Variants in RUNX1T1 observed in about 807,000 individuals in gnomAD.
RUNX1T1 encodes RUNX1 partner transcriptional co-repressor 1.
In RUNX1T1, 4 loss-of-function variants were observed where a neutral mutation model predicts 62.8. The ratio of observed to expected loss-of-function variants is 0.06; its 90% CI spans 0.03 to 0.15. RUNX1T1 has a LOEUF of 0.15. Ranked by LOEUF, RUNX1T1 falls within the 10% of genes least tolerant of loss-of-function variation. The pLI is 1.00. For missense variants in RUNX1T1, 508 were observed against 754.3 expected (o/e 0.67, Z 3.82); for synonymous variants, 291 against 286.0 (o/e 1.02, Z -0.18).
At chr8:91,987,580 C>A (rs530285106) in intron 6 of RUNX1T1, among the ~76,000 whole-genome samples, 2 of 151,250 alleles carry the variant, frequency 1.3e-5, no homozygotes, top group East Asian at 1.9e-4. Context: ...GGATATTCTT[C>A]AAAAAAAAAT....
chr8:92,095,130 TTCTC>T, intron 1 of RUNX1T1: 1 of 1,535,604 alleles, frequency 6.5e-7, no homozygotes, highest in Non-Finnish European at 8.7e-7. Flanking sequence ...AGATTTCTCT[TTCTC>T]ACTCTGCTAA....
intron 8 of RUNX1T1, among the ~76,000 whole-genome samples, chr8:91,985,774 CG>C (rs1816429644): frequency 6.6e-6 from 1 of 152,132 alleles, no homozygotes; most frequent in Non-Finnish European, 1.5e-5. Flanking sequence ...GAGACCTTGA[CG>C]GAAGTGCCTA....
chr8:92,091,065 A>T (rs770946397), intron 1 of RUNX1T1, among the ~76,000 whole-genome samples: 24 of 152,302 alleles, frequency 1.6e-4, no homozygotes, highest in Non-Finnish European at 3.2e-4. Flanking sequence ...AGGTGTTAAA[A>T]GATTAATGAA....
intron 1 of RUNX1T1, among the ~76,000 whole-genome samples, chr8:92,094,778 C>T (rs1837540463): frequency 2.0e-5 from 3 of 152,228 alleles, no homozygotes; most frequent in African/African-American, 7.2e-5. Context: ...GGAAATAAGA[C>T]ATTTTAAGTC....
At chr8:92,062,509 G>C in intron 1 of RUNX1T1, 1 of 1,606,100 alleles carries the variant, frequency 6.2e-7, no homozygotes, top group Middle Eastern at 1.7e-4. Flanking sequence ...TTTCTTCATT[G>C]GAAAAACAGA....
At chr8:92,038,046 CTTTATTTA>C (rs58091057) in intron 1 of RUNX1T1, among the ~76,000 whole-genome samples, 2 of 149,984 alleles carry the variant, frequency 1.3e-5, no homozygotes, top group Non-Finnish European at 3.0e-5. Context: ...CAAAATTCTT[CTTTATTTA>C]TTTATTTATT....
upstream of RUNX1T1, among the ~76,000 whole-genome samples, chr8:92,066,924 A>G (rs1443969910): frequency 6.6e-6 from 1 of 152,240 alleles, no homozygotes; most frequent in African/African-American, 2.4e-5. Context: ...TGTCTGTTGT[A>G]AACAACTAAA....
chr8:92,022,841 C>T (rs1002968588), intron 1 of RUNX1T1, among the ~76,000 whole-genome samples: 3 of 152,218 alleles, frequency 2.0e-5, no homozygotes, highest in African/African-American at 7.2e-5. Flanking sequence ...CTAAAACCTT[C>T]AGGAGAGTCC....
intron 1 of RUNX1T1, among the ~76,000 whole-genome samples, chr8:92,040,975 C>T (rs1828333312): frequency 6.6e-6 from 1 of 152,124 alleles, no homozygotes; most frequent in Non-Finnish European, 1.5e-5. Context: ...TCCCAAAGTG[C>T]TGGGATTACA....
At chr8:92,074,594 GTTA>G (rs777146648) in intron 2 of RUNX1T1, among the ~76,000 whole-genome samples, 2 of 152,104 alleles carry the variant, frequency 1.3e-5, no homozygotes, top group African/African-American at 2.4e-5. Flanking sequence ...AAGCGGGATG[GTTA>G]TTATTATTAG....
intron 1 of RUNX1T1, among the ~76,000 whole-genome samples, chr8:92,047,573 T>C (rs1444416316): frequency 6.6e-6 from 1 of 152,158 alleles, no homozygotes; most frequent in Non-Finnish European, 1.5e-5. Flanking sequence ...TATTCACTGA[T>C]TCATCCCAGT....
At chr8:91,958,936 CA>C (rs953835569) in exon 11 of RUNX1T1, 1 of 178,892 alleles carries the variant, frequency 5.6e-6, no homozygotes, top group Non-Finnish European at 1.1e-5. Context: ...TGAGGACAAC[CA>C]AAAAGAGTCT....
At chr8:92,034,510 CATTA>C (rs1826877883) in intron 1 of RUNX1T1, among the ~76,000 whole-genome samples, 1 of 151,994 alleles carries the variant, frequency 6.6e-6, no homozygotes, top group Admixed American at 6.6e-5. Context: ...TATATTGATG[CATTA>C]ATTGAGAACG....
chr8:92,065,544 T>TG (rs1832748403), upstream of RUNX1T1, among the ~76,000 whole-genome samples: 1 of 152,218 alleles, frequency 6.6e-6, no homozygotes, highest in African/African-American at 2.4e-5. Flanking sequence ...AACAACAAAA[T>TG]GCTGGGCTCC....
At chr8:91,979,449 C>T (rs1814711049) in intron 8 of RUNX1T1, among the ~76,000 whole-genome samples, 1 of 152,034 alleles carries the variant, frequency 6.6e-6, no homozygotes, top group South Asian at 2.1e-4. Context: ...AATCATCATT[C>T]TAAAATGTAG....
At chr8:92,062,597 G>A in exon 1 of RUNX1T1, 3 of 1,614,072 alleles carry the variant, frequency 1.9e-6, no homozygotes, top group Non-Finnish European at 2.5e-6. Flanking sequence ...TCTCCTAAAA[G>A]CAAGCGCGTT....
At chr8:92,004,336 T>C (rs568059053) in intron 5 of RUNX1T1, 1 of 152,376 alleles carries the variant, frequency 6.6e-6, no homozygotes, top group South Asian at 2.1e-4. Flanking sequence ...TGCAAAATGA[T>C]GCTAATAAGA....
At chr8:92,021,864 C>T (rs1225758898) in intron 1 of RUNX1T1, among the ~76,000 whole-genome samples, 1 of 150,948 alleles carries the variant, frequency 6.6e-6, no homozygotes, top group African/African-American at 2.4e-5. Context: ...CTTGGTACTC[C>T]CTGGCTTTTC....
In RUNX1T1 at chr8:91,975,383, C is replaced by T. The variant is rs188105387; in HGVS notation, c.1267+522G>A. Among the ~76,000 whole-genome samples the T allele has an allele frequency of 5.9e-5, 9 of 152,068 alleles. No homozygotes were observed. The East Asian group carries it at 1.5e-3, about 26-fold the overall frequency. On this transcript the variant is annotated intron_variant, in intron 9 of 10. Coordinates refer to ENST00000396218, the Ensembl canonical transcript of RUNX1T1. ...ACTTAAAGAGTAATTTAGCTCTGAT[C>T]GTTGAATACTAATTAGTACAGAAGA...
Sources: gnomAD v4.1 joint callset for allele counts (sites outside exome capture counted in the v4.1 genomes callset) on GRCh38, gnomAD v4.1.1 for gene constraint, MANE v1.5 for transcripts, NCBI Gene and HGNC (gene_info 2026-07-23, HGNC 2026-07-21) for gene names.